Variants in FBXO25 observed in about 807,000 individuals in gnomAD.
The protein encoded by FBXO25 is F-box protein 25, also known as F-box only protein 25.
FBXO25 carries 45 observed loss-of-function variants against 51.9 expected under a neutral mutation model. The ratio of observed to expected loss-of-function variants is 0.87; its 90% confidence interval spans 0.68 to 1.11. The LOEUF (loss-of-function observed/expected upper bound fraction) is 1.11, where lower values mean the gene tolerates loss of function less well. Among genes scored for constraint, FBXO25 ranks in the 50% most tolerant of loss-of-function variants. FBXO25 has a pLI of 0.00. For missense variants in FBXO25, 507 were observed against 428.5 expected (o/e 1.18, Z -1.62); for synonymous variants, 199 against 151.0 (o/e 1.32, Z -2.33).
At chr8:417,099 C>G (rs1054521784) in intron 2 of FBXO25, among the ~76,000 whole-genome samples, 14 of 152,172 alleles carry the variant, frequency 9.2e-5, no homozygotes, top group African/African-American at 3.1e-4. Context: ...TATTCAGGGA[C>G]AGCAGGGTTC....
chr8:422,680 G>A (rs1797227227), intron 2 of FBXO25, among the ~76,000 whole-genome samples: 1 of 152,188 alleles, frequency 6.6e-6, no homozygotes, highest in South Asian at 2.1e-4. Context: ...GTCTTTTTAA[G>A]TCATCATTAA....
intron 2 of FBXO25, among the ~76,000 whole-genome samples, chr8:428,261 G>A (rs1797611090): frequency 6.6e-6 from 1 of 152,120 alleles, no homozygotes; most frequent in Admixed American, 6.5e-5. Context: ...CTAGCAAGGG[G>A]GTGACGTATG....
chr8:451,534 C>T, intron 7 of FBXO25, 81 bp downstream of exon 7: 1 of 1,279,796 alleles, frequency 7.8e-7, no homozygotes, highest in Non-Finnish European at 1.1e-6. Context: ...ACATGAAAGA[C>T]TGCTATAGCT....
chr8:469,066 C>CTT lies in FBXO25; in HGVS notation c.*263_*264insTT. On this transcript the variant is annotated 3_prime_UTR_variant, in exon 10 of 10. Transcript: ENST00000350302. ...GTGAAATTTTGCGTACTCTCTCTCTCTATATATATAGTTCAAAAATACTTT... is the reference window on the plus strand; with the variant it reads ...GTGAAATTTTGCGTACTCTCTCTCTCTTTATATATATAGTTCAAAAATACTTT... 1 of 359,326 alleles carries CTT rather than the reference C, an allele frequency of 2.8e-6. No individual in the cohort carries two copies. The highest frequency in any genetic ancestry group is 5.0e-6 in the Non-Finnish European group (1 of 200,530). 22.3% of individuals were successfully genotyped at this position (359,326 alleles called of 1,614,324 possible).
At chr8:414,709 A>G (rs553405318) in intron 2 of FBXO25, among the ~76,000 whole-genome samples, 2 of 152,174 alleles carry the variant, frequency 1.3e-5, no homozygotes, top group Admixed American at 1.3e-4. Context: ...AAACTTACCT[A>G]CAGATCCGCC....
chr8:462,306 T>G (rs1184277729), intron 8 of FBXO25, among the ~76,000 whole-genome samples: 1 of 152,260 alleles, frequency 6.6e-6, no homozygotes, highest in Non-Finnish European at 1.5e-5. Flanking sequence ...TGCATGTCCT[T>G]TGACCATTTT....
At chr8:415,324 A>G (rs1236056550) in intron 2 of FBXO25, among the ~76,000 whole-genome samples, 1 of 152,196 alleles carries the variant, frequency 6.6e-6, no homozygotes, top group African/African-American at 2.4e-5. Flanking sequence ...TTTAGAGAAC[A>G]TAGGGAAGAA....
At chr8:428,713 C>G (rs1797641898) in intron 2 of FBXO25, among the ~76,000 whole-genome samples, 1 of 152,150 alleles carries the variant, frequency 6.6e-6, no homozygotes, top group South Asian at 2.1e-4. Flanking sequence ...TCCAGCACCC[C>G]CAGACCTGGT....
chr8:460,718 A>G lies in FBXO25; in HGVS notation c.843+2167A>G, dbSNP rs116358084. 5.6e-4 allele frequency among the ~76,000 whole-genome samples: 85 copies of G among 152,372 alleles called. 1 individual carries two copies. Among genetic ancestry groups the G allele is most frequent in the African/African-American group, 2.0e-3 (83 of 41,590 alleles). On this transcript the variant is annotated intron_variant, in intron 8 of 9. Transcript: ENST00000350302. Reference sequence around the variant, plus strand: ...CACACACAGTCAGTGAGAAGTAGGAATGAGACAACAAACGGTTGTTTTTAG... The same window carrying G: ...CACACACAGTCAGTGAGAAGTAGGAGTGAGACAACAAACGGTTGTTTTTAG...
Position 444,303 on chromosome 8 carries a change from C to G in FBXO25, c.382-5687C>G, listed in dbSNP as rs192677751. Among the ~76,000 whole-genome samples, 1,276 of 152,288 alleles carry G rather than the reference C, an allele frequency of 8.4e-3. 12 individuals are homozygous for G. Among genetic ancestry groups the G allele is most frequent in the African/African-American group, 0.029 (1,211 of 41,560 alleles). ...GGATGTTGTTGTTTCTCTTTCTCTGCCCTTCCCCATGTATGTGAGGCCCTT... is the reference window on the plus strand; with the variant it reads ...GGATGTTGTTGTTTCTCTTTCTCTGGCCTTCCCCATGTATGTGAGGCCCTT... On this transcript the variant is annotated intron_variant, in intron 5 of 9. Coordinates refer to ENST00000350302, the MANE Select transcript of FBXO25 (RefSeq NM_183420.2).
At chr8:443,940 C>G (rs141822929) in intron 5 of FBXO25, among the ~76,000 whole-genome samples, 1 of 152,318 alleles carries the variant, frequency 6.6e-6, no homozygotes, top group Non-Finnish European at 1.5e-5. Flanking sequence ...CAGGAAGGCA[C>G]AAGCACAGAT....
chr8:452,218 A>G (rs1027613330), intron 7 of FBXO25, among the ~76,000 whole-genome samples: 11 of 152,222 alleles, frequency 7.2e-5, no homozygotes, highest in Non-Finnish European at 2.9e-5. Context: ...CCATCTAAAT[A>G]TGGGATTTAC....
intron 1 of FBXO25, among the ~76,000 whole-genome samples, chr8:409,481 T>C (rs1177516712): frequency 6.6e-6 from 1 of 152,202 alleles, no homozygotes. Flanking sequence ...CAAAATGAAT[T>C]ATCTGTAGAG....
At chr8:461,129 G>A (rs1022780017) in intron 8 of FBXO25, among the ~76,000 whole-genome samples, 10 of 151,984 alleles carry the variant, frequency 6.6e-5, no homozygotes, top group African/African-American at 2.2e-4. Flanking sequence ...CATTAATTTC[G>A]CTAGCTCTGC....
At chr8:410,081 G>T (rs13264582) in intron 1 of FBXO25, among the ~76,000 whole-genome samples, 13,144 of 152,024 alleles carry the variant, frequency 0.086, 670 homozygotes, top group South Asian at 0.14. Context: ...CATGCTTCAG[G>T]GCGAAGATCG....
chr8:440,368 T>C (rs71514161), intron 5 of FBXO25, among the ~76,000 whole-genome samples: 2 of 152,190 alleles, frequency 1.3e-5, no homozygotes, highest in African/African-American at 4.8e-5. Context: ...GACAGCTGCA[T>C]GGAGATCCAT....
At chr8:444,657 G>A (rs761617076) in intron 5 of FBXO25, among the ~76,000 whole-genome samples, 5 of 152,104 alleles carry the variant, frequency 3.3e-5, no homozygotes, top group Non-Finnish European at 7.4e-5. Context: ...GATTTGAGGA[G>A]ATACGCAGTC....
intron 2 of FBXO25, among the ~76,000 whole-genome samples, chr8:418,808 G>A (rs1796975284): frequency 6.6e-6 from 1 of 152,170 alleles, no homozygotes; most frequent in African/African-American, 2.4e-5. Flanking sequence ...CAATTGGGAA[G>A]GGAAAGATTT....
rs1320645841 is a variant in FBXO25 at position 472,772 on chromosome 8, A to G, written c.*3968A>G. 6.6e-6 allele frequency: 1 copy of G among 152,218 alleles called. No homozygotes were observed. The highest frequency in any genetic ancestry group is 1.5e-5 in the Non-Finnish European group (1 of 68,024). The allele number at this position is 152,218 out of a possible 1,614,324, so 9.4% of individuals were successfully genotyped here. A position where few individuals can be genotyped will look rare whatever the true frequency, so the allele number is the denominator to read the frequency against. On this transcript the variant is annotated 3_prime_UTR_variant, in exon 10 of 10. Transcript: ENST00000350302. ...TCTTTTCATTGCGAAGGCCTAACTT[A>G]GTAGATAAGTGGACTGTGAAACCTA...
Sources: allele counts gnomAD v4.1 joint callset (sites outside exome capture counted in the v4.1 genomes callset), GRCh38; gene constraint gnomAD v4.1.1; transcripts MANE v1.5; gene names NCBI Gene and HGNC (gene_info 2026-07-23, HGNC 2026-07-21).